MAML2: variants seen among roughly 807,000 people sequenced by gnomAD.
MAML2 encodes the protein mastermind like transcriptional coactivator 2, also known as mastermind-like protein 2.
Under a neutral mutation model 96.1 loss-of-function variants are expected in MAML2, and 22 were observed. The observed-to-expected ratio is 0.23, with a 90% CI of 0.16 to 0.33. MAML2 has a LOEUF of 0.33. MAML2 is among the 10% of genes least tolerant of loss of function. The pLI is 1.00. For synonymous variants in MAML2, 561 were observed against 521.3 expected (o/e 1.08, Z -1.04); for missense variants, 1,367 against 1,392.4 (o/e 0.98, Z 0.29).
intron 1 of MAML2, among the ~76,000 whole-genome samples, chr11:96,274,390 TA>T (rs35532961): frequency 0.014 from 2,189 of 152,278 alleles, 55 homozygotes; most frequent in African/African-American, 0.05. Flanking sequence ...CCCCTACTTT[TA>T]TAAAGGATTT....
chr11:96,316,402 A>G (rs1863633903), intron 1 of MAML2, among the ~76,000 whole-genome samples: 3 of 152,232 alleles, frequency 2.0e-5, no homozygotes. Context: ...AAAACAAAGA[A>G]GGGGCTAAGA....
intron 1 of MAML2, among the ~76,000 whole-genome samples, chr11:96,113,597 G>A (rs1312862118): frequency 3.2e-5 from 3 of 93,724 alleles, no homozygotes; most frequent in Non-Finnish European, 4.1e-5. Context: ...CTCCATCCCC[G>A]TTGTTTGAAA....
At chr11:96,001,044 C>T (rs1858071054) in intron 2 of MAML2, among the ~76,000 whole-genome samples, 1 of 152,180 alleles carries the variant, frequency 6.6e-6, no homozygotes, top group Admixed American at 6.6e-5. Context: ...TCTTTACTTG[C>T]TCAGTACCTT....
chr11:96,022,851 T>C (rs1858456757), intron 2 of MAML2, among the ~76,000 whole-genome samples: 1 of 152,198 alleles, frequency 6.6e-6, no homozygotes, highest in African/African-American at 2.4e-5. Context: ...GGCAGTATTA[T>C]GACAATGAGG....
intron 2 of MAML2, among the ~76,000 whole-genome samples, chr11:95,997,223 G>T (rs953018017): frequency 6.6e-6 from 1 of 152,032 alleles, no homozygotes; most frequent in Non-Finnish European, 1.5e-5. Flanking sequence ...CAATCCTCCT[G>T]GGTTTTAAAT....
chr11:96,101,835 T>C (rs1859936477), intron 1 of MAML2, among the ~76,000 whole-genome samples: 1 of 152,224 alleles, frequency 6.6e-6, no homozygotes, highest in Admixed American at 6.5e-5. Flanking sequence ...TTTTTTCTCC[T>C]CATCTGTAAC....
chr11:96,074,172 A>G (rs1859394819), intron 2 of MAML2, among the ~76,000 whole-genome samples: 1 of 152,222 alleles, frequency 6.6e-6, no homozygotes, highest in Non-Finnish European at 1.5e-5. Context: ...AGGACCACTC[A>G]ACTGACTATC....
chr11:96,300,435 T>C (rs986981187), intron 1 of MAML2, among the ~76,000 whole-genome samples: 5 of 152,114 alleles, frequency 3.3e-5, no homozygotes, highest in Non-Finnish European at 7.4e-5. Flanking sequence ...AGGGAGAGCT[T>C]GGGAGAAGCA....
chr11:96,310,168 C>A (rs1863518390), intron 1 of MAML2, among the ~76,000 whole-genome samples: 1 of 151,980 alleles, frequency 6.6e-6, no homozygotes, highest in Non-Finnish European at 1.5e-5. Context: ...AAACTGAGAA[C>A]TGATATGCAA....
chr11:96,049,933 G>A (rs1458611945), intron 2 of MAML2, among the ~76,000 whole-genome samples: 4 of 152,048 alleles, frequency 2.6e-5, no homozygotes, highest in Admixed American at 2.0e-4. Flanking sequence ...GGGAAGTCAC[G>A]ACTTCTCTGA....
chr11:96,106,857 T>C (rs1336709367), intron 1 of MAML2, among the ~76,000 whole-genome samples: 1 of 152,180 alleles, frequency 6.6e-6, no homozygotes, highest in African/African-American at 2.4e-5. Flanking sequence ...ACCTGCCTCA[T>C]GATTAATATC....
chr11:96,155,105 C>A lies in MAML2; in HGVS notation c.514-61588G>T, dbSNP rs972460920. On this transcript the variant is annotated intron_variant, in intron 1 of 4. Transcript: ENST00000524717. ...GCCTATGACTGGGTAAATAAGTCTG[C>A]CTAATTGGGGACTTCACTTGCCAAG... is the stretch of plus-strand genomic sequence containing the variant. Among the ~76,000 whole-genome samples, 50 of 152,120 alleles carry A rather than the reference C, an allele frequency of 3.3e-4. 1 individual carries two copies. Among genetic ancestry groups the A allele is most frequent in the Non-Finnish European group, 4.4e-5 (3 of 68,020 alleles).
chr11:96,021,201 G>C (rs542379512), intron 2 of MAML2, among the ~76,000 whole-genome samples: 1 of 152,234 alleles, frequency 6.6e-6, no homozygotes, highest in South Asian at 2.1e-4. Flanking sequence ...CACTGTATAG[G>C]TTTGTTCTCT....
At chr11:96,062,761 C>A (rs1414407419) in intron 2 of MAML2, among the ~76,000 whole-genome samples, 1 of 152,132 alleles carries the variant, frequency 6.6e-6, no homozygotes, top group Non-Finnish European at 1.5e-5. Context: ...GAGATGTGGT[C>A]ACTCCCTTTT....
At chr11:96,295,937 A>AGCACAC (rs1273798396) in intron 1 of MAML2, among the ~76,000 whole-genome samples, 3 of 137,782 alleles carry the variant, frequency 2.2e-5, no homozygotes. Context: ...CAGAACAGTA[A>AGCACAC]ACACACACAC....
At chr11:96,190,866 C>T (rs1199333128) in intron 1 of MAML2, among the ~76,000 whole-genome samples, 1 of 152,136 alleles carries the variant, frequency 6.6e-6, no homozygotes, top group Non-Finnish European at 1.5e-5. Flanking sequence ...CAATGGGGTA[C>T]AGGGAGTTTT....
intron 1 of MAML2, among the ~76,000 whole-genome samples, chr11:96,193,201 T>C (rs1861680842): frequency 6.6e-6 from 1 of 152,126 alleles, no homozygotes; most frequent in Non-Finnish European, 1.5e-5. Flanking sequence ...ACCCCATCTC[T>C]ACTAAAAATA....
intron 1 of MAML2, among the ~76,000 whole-genome samples, chr11:96,274,738 C>CT: frequency 1.3e-5 from 2 of 152,210 alleles, no homozygotes; most frequent in Middle Eastern, 6.8e-3. Flanking sequence ...GCTCATATGT[C>CT]TAACTCTTTT....
chr11:96,147,333 C>T (rs933680306), intron 1 of MAML2, among the ~76,000 whole-genome samples: 17 of 152,148 alleles, frequency 1.1e-4, no homozygotes, highest in African/African-American at 3.9e-4. Context: ...AATATGGATA[C>T]ATAAAAGTTT....
Sources: allele counts gnomAD v4.1 joint callset (sites outside exome capture counted in the v4.1 genomes callset), GRCh38; gene constraint gnomAD v4.1.1; transcripts MANE v1.5; gene names NCBI Gene and HGNC (gene_info 2026-07-23, HGNC 2026-07-21).